Variants in CLASP1 observed in about 807,000 individuals in gnomAD.
CLASP1 encodes the protein cytoplasmic linker associated protein 1.
In CLASP1, 38 loss-of-function variants were observed where a neutral mutation model predicts 192.3. That is an observed-to-expected ratio of 0.20 (90% CI 0.15 to 0.26). The LOEUF (loss-of-function observed/expected upper bound fraction) is 0.26, where lower values mean the gene tolerates loss of function less well. CLASP1 is among the 10% of genes least tolerant of loss of function. The pLI is 1.00. For synonymous variants in CLASP1, 691 were observed against 712.8 expected, an observed-to-expected ratio of 0.97 and a Z score of 0.49; for missense variants, 1,433 against 1,932.5, an observed-to-expected ratio of 0.74 and a Z score of 4.85.
At chr2:121,516,834 C>G (rs2094311410) in intron 6 of CLASP1, among the ~76,000 whole-genome samples, 1 of 151,508 alleles carries the variant, frequency 6.6e-6, no homozygotes, top group Non-Finnish European at 1.5e-5. Context: ...CAAGACCAGC[C>G]TGGCCAACAT....
chr2:121,525,661 A>G (rs1363797057), intron 6 of CLASP1, among the ~76,000 whole-genome samples, 184 bp downstream of exon 6: 2 of 152,218 alleles, frequency 1.3e-5, no homozygotes, highest in African/African-American at 4.8e-5. Context: ...ACTTAAATGT[A>G]AACTTATTTT....
At chr2:121,412,339 T>C (rs1367129859) in intron 23 of CLASP1, among the ~76,000 whole-genome samples, 1 of 152,170 alleles carries the variant, frequency 6.6e-6, no homozygotes, top group Non-Finnish European at 1.5e-5. Flanking sequence ...CCATTATGTT[T>C]AAAAGGTAAT....
chr2:121,448,469 A>G, intron 17 of CLASP1, 144 bp from the exon 18 acceptor site: 1 of 714,506 alleles, frequency 1.4e-6, no homozygotes, highest in Non-Finnish European at 2.4e-6. Flanking sequence ...AATGTTGTAA[A>G]CTCCCTGATT....
intron 8 of CLASP1, among the ~76,000 whole-genome samples, chr2:121,495,316 C>T (rs919214736): frequency 5.9e-5 from 6 of 102,268 alleles, no homozygotes; most frequent in African/African-American, 3.8e-4. Flanking sequence ...GAGCTGGACT[C>T]CGTCTCTAAA....
intron 1 of CLASP1, among the ~76,000 whole-genome samples, chr2:121,627,641 A>T (rs1365348506): frequency 1.3e-5 from 2 of 152,232 alleles, no homozygotes; most frequent in African/African-American, 4.8e-5. Context: ...CCATCCAAGC[A>T]TGTTTACCTT....
chr2:121,469,977 G>C lies in CLASP1; in HGVS notation c.713-17C>G. ...AATTTTTATCTGAACAGTAAGCACA[G>C]AAACCAACGTTTTTTTAAAAACAAA... On this transcript the variant is annotated splice_polypyrimidine_tract_variant and intron_variant, in intron 8 of 39. Transcript: ENST00000263710. 6.3e-7 allele frequency: 1 copy of C among 1,590,360 alleles called. No individual in the cohort carries two copies. Among genetic ancestry groups the C allele is most frequent in the Non-Finnish European group, 8.5e-7 (1 of 1,173,550 alleles).
chr2:121,344,278 G>C (rs2063161380), intron 39 of CLASP1, among the ~76,000 whole-genome samples: 1 of 151,962 alleles, frequency 6.6e-6, no homozygotes, highest in South Asian at 2.1e-4. Context: ...CCCTTCATCA[G>C]ACCTCTTCGT....
At chr2:121,499,700 C>T (rs1236831798) in intron 8 of CLASP1, among the ~76,000 whole-genome samples, 1 of 151,954 alleles carries the variant, frequency 6.6e-6, no homozygotes, top group Non-Finnish European at 1.5e-5. Context: ...CAGATAAGGG[C>T]ATTTGACTTT....
At chr2:121,453,828 C>T (rs2086060731) in intron 14 of CLASP1, among the ~76,000 whole-genome samples, 1 of 152,184 alleles carries the variant, frequency 6.6e-6, no homozygotes, top group Non-Finnish European at 1.5e-5. Context: ...TTCTACGAAG[C>T]GAAGCTAAGT....
intron 2 of CLASP1, among the ~76,000 whole-genome samples, chr2:121,571,037 A>C (rs1455729750): frequency 6.6e-6 from 1 of 152,052 alleles, no homozygotes; most frequent in Non-Finnish European, 1.5e-5. Context: ...TATGACTATA[A>C]GAGAGGAAAT....
rs12468937 is a variant in CLASP1 at position 121,348,686 on chromosome 2, T to C, written c.4239A>G (p.Thr1413=). 6 of 1,612,740 alleles carry C rather than the reference T, an allele frequency of 3.7e-6. No homozygotes were observed. In the Admixed American group the frequency reaches 8.4e-5, roughly 22 times the overall value. ...GCTCCGGGTGGATGGAACTGGCCAG[T>C]GTGGACGCAGCCTCCTCAGCCGCTC... The change falls in exon 38 of 40, where the codon ACA becomes ACG. Residue 1413 remains threonine (T), a synonymous_variant. Transcript: ENST00000263710.
At position 121,371,618 on chromosome 2, in the gene CLASP1, CACA is replaced by C. The variant is rs544372364; in HGVS notation, c.3643-3790_3643-3788del. ...TCCCTAGTCAGATTCCCCCATTCCTCACAACAAGTCCCCCGCTTCAAAGCAGGC... is the reference window on the plus strand; with the variant it reads ...TCCCTAGTCAGATTCCCCCATTCCTCACAAGTCCCCCGCTTCAAAGCAGGC... On this transcript the variant is annotated intron_variant, in intron 34 of 39. Coordinates refer to ENST00000263710, the Ensembl canonical transcript of CLASP1. Among the ~76,000 whole-genome samples the C allele has an allele frequency of 1.0e-3, 158 of 152,250 alleles. 1 individual carries two copies. In the South Asian group the frequency reaches 0.019, roughly 19 times the overall value.
intron 8 of CLASP1, among the ~76,000 whole-genome samples, chr2:121,478,159 G>A (rs901447112): frequency 5.9e-5 from 9 of 152,064 alleles, no homozygotes; most frequent in African/African-American, 2.2e-4. Context: ...CTTATCCCAG[G>A]AATGTAATGT....
intron 2 of CLASP1, among the ~76,000 whole-genome samples, chr2:121,588,373 C>T (rs570460297): frequency 1.3e-5 from 2 of 152,132 alleles, no homozygotes; most frequent in South Asian, 2.1e-4. Context: ...AAAATGGCAA[C>T]ATGCCCATAA....
rs12478808 is a variant in CLASP1, at chr2:121,422,791, T to C, written c.2212+2348A>G. On this transcript the variant is annotated intron_variant, in intron 22 of 39. Transcript: ENST00000263710. ...GTATCATTTCAAACAAAAAGAGGCA[T>C]AGTTGAACCAAACACGATTTGTAGA... Among the ~76,000 whole-genome samples the C allele has an allele frequency of 9.8e-3, 1,490 of 152,270 alleles. 31 individuals are homozygous for C. Among genetic ancestry groups the C allele is most frequent in the Admixed American group, 0.039 (599 of 15,296 alleles).
exon 10 of CLASP1, chr2:121,462,540 C>G (rs1184732256): frequency 6.4e-7 from 1 of 1,567,814 alleles, no homozygotes. Flanking sequence ...ACCTGTACTA[C>G]AGGTACATCA....
chr2:121,552,073 A>G (rs1028300557), intron 2 of CLASP1, among the ~76,000 whole-genome samples: 1 of 152,232 alleles, frequency 6.6e-6, no homozygotes, highest in Non-Finnish European at 1.5e-5. Flanking sequence ...ACAAGCTGAC[A>G]GAAACAAGCA....
rs77781275 is a variant in CLASP1, at chr2:121,519,296, A to C, written c.547-3534T>G. ...GTGCCTACTAGGTGAAAATGAACTGAAACGCCTACACAGGCCAGGCAGTGA... is the reference window on the plus strand; with the variant it reads ...GTGCCTACTAGGTGAAAATGAACTGCAACGCCTACACAGGCCAGGCAGTGA... On this transcript the variant is annotated intron_variant, in intron 6 of 39. Coordinates refer to ENST00000263710, the Ensembl canonical transcript of CLASP1. Among the ~76,000 whole-genome samples, 37 of 152,318 alleles carry C rather than the reference A, an allele frequency of 2.4e-4. No individual in the cohort carries two copies. In the East Asian group the frequency reaches 7.1e-3, roughly 29 times the overall value.
intron 2 of CLASP1, among the ~76,000 whole-genome samples, chr2:121,574,615 A>G (rs1286253585): frequency 7.0e-6 from 1 of 142,768 alleles, no homozygotes; most frequent in African/African-American, 2.7e-5. Flanking sequence ...AGCCTGGGTG[A>G]CAGAGCAAGA....
Sources: allele counts gnomAD v4.1 joint callset (sites outside exome capture counted in the v4.1 genomes callset), GRCh38; gene constraint gnomAD v4.1.1; transcripts MANE v1.5; gene names NCBI Gene and HGNC (gene_info 2026-07-23, HGNC 2026-07-21).